Variants in PPP1R13L observed in about 807,000 individuals in gnomAD.
PPP1R13L encodes the protein relA-associated inhibitor.
Under a neutral mutation model 80.9 loss-of-function variants are expected in PPP1R13L, and 50 were observed. That is an observed-to-expected ratio of 0.62 (90% CI 0.49 to 0.78). PPP1R13L has a LOEUF of 0.78. Among genes scored for constraint, PPP1R13L ranks in the 30% least tolerant of loss-of-function variants. The probability of loss-of-function intolerance (pLI) is 0.00; values close to 1 mark genes in which losing one functional copy is unlikely to be tolerated. For synonymous variants in PPP1R13L, 602 were observed against 534.3 expected, an observed-to-expected ratio of 1.13 and a Z score of -1.75; for missense variants, 1,200 against 1,205.9, an observed-to-expected ratio of 1.00 and a Z score of 0.07.
intron 8 of PPP1R13L, among the ~76,000 whole-genome samples, chr19:45,387,136 C>G (rs868483614): frequency 6.6e-6 from 1 of 151,746 alleles, no homozygotes; most frequent in African/African-American, 2.4e-5. Flanking sequence ...GACATGGTGG[C>G]GCACACCCGT....
chr19:45,382,562 C>T lies in PPP1R13L; in HGVS notation c.2413G>A (p.Gly805Ser), dbSNP rs947173328. The part of the protein sequence containing the change: ...ETDWWWAALH[G>S]QEGYVPRNYF... Reference sequence around the variant, plus strand: ...TTCCGCGGCACGTAGCCCTCCTGGCCGTGCAGCGCGGCCCACCACCAGTCG... The same window carrying T: ...TTCCGCGGCACGTAGCCCTCCTGGCTGTGCAGCGCGGCCCACCACCAGTCG... The change falls in exon 12 of 13, where the codon GGC (glycine) becomes AGC (serine). Residue 805 changes from glycine (G) to serine (S), a missense_variant. Gly to Ser is a moderately conservative substitution (Grantham distance 56, BLOSUM62 0). Coordinates refer to ENST00000360957, the MANE Select transcript of PPP1R13L (RefSeq NM_006663.4). 4 of 1,613,182 alleles carry T rather than the reference C, an allele frequency of 2.5e-6. No homozygotes were observed. Among genetic ancestry groups the T allele is most frequent in the African/African-American group, 2.7e-5 (2 of 74,940 alleles).
Position 45,395,849 on chromosome 19 carries a change from T to C in PPP1R13L, c.941A>G (p.Lys314Arg), listed in dbSNP as rs760154639. 2.5e-6 allele frequency: 4 copies of C among 1,597,260 alleles called. No homozygotes were observed. The African/African-American group carries it at 5.4e-5, about 21-fold the overall frequency. ...CCGGTCGCTGGCCAGAGGAGAGACC[T>C]TGTAATTGCGCGGCAGGGTGGCGCT... is the stretch of plus-strand genomic sequence containing the variant. ...LTSATLPRNY[K>R]VSPLASDRRS... The change falls in exon 7 of 13, where the codon AAG becomes AGG. Residue 314 changes from lysine (K) to arginine (R), a missense_variant. Lys to Arg is a conservative substitution (Grantham distance 26). Coordinates refer to ENST00000360957, the MANE Select transcript of PPP1R13L (RefSeq NM_006663.4).
In PPP1R13L at chr19:45,396,309, C is replaced by G; in HGVS notation, c.811+29G>C. On this transcript the variant is annotated intron_variant, in intron 5 of 12. Coordinates refer to ENST00000360957, the MANE Select transcript of PPP1R13L (RefSeq NM_006663.4). The surrounding 1 kb of genome is among the most constrained non-coding windows in gnomAD (Gnocchi z 5.3). ...CTGTGGGGCTGCCTCTCCTCCGGGT[C>G]CTCCATTCCCCGGGCCTCCACCACT... 1.9e-6 allele frequency: 3 copies of G among 1,613,800 alleles called. No homozygotes were observed. The highest frequency in any genetic ancestry group is 2.5e-6 in the Non-Finnish European group (3 of 1,179,888).
In PPP1R13L at chr19:45,395,778, G is replaced by C; in HGVS notation, c.1012C>G (p.Pro338Ala). 1 of 1,563,242 alleles carries C rather than the reference G, an allele frequency of 6.4e-7. No homozygotes were observed. Among genetic ancestry groups the C allele is most frequent in the African/African-American group, 1.3e-5 (1 of 74,332 alleles). Residue 338 changes from proline to alanine, a missense_variant, in exon 7 of 13, where the codon CCG (proline) becomes GCG (alanine). Pro to Ala is a conservative substitution (Grantham distance 27). Coordinates refer to ENST00000360957, the MANE Select transcript of PPP1R13L (RefSeq NM_006663.4). ...CAGCTGCGAGGCAAAGTGCCCGACGGCCCCGCGGAGCCCAGCGAGCGCCGG... is the reference window on the plus strand; with the variant it reads ...CAGCTGCGAGGCAAAGTGCCCGACGCCCCCGCGGAGCCCAGCGAGCGCCGG... Reference protein sequence around the residue: ...SYRRSLGSAGPSGTLPRSWQP... With the variant: ...SYRRSLGSAGASGTLPRSWQP...
chr19:45,405,364 C>G (rs1599783457), upstream of PPP1R13L, among the ~76,000 whole-genome samples: 1 of 152,320 alleles, frequency 6.6e-6, no homozygotes, highest in East Asian at 1.9e-4. Context: ...CCCCTTCAGG[C>G]GCACTATCCC....
At chr19:45,383,293 CTTTTTTTTTTTT>C (rs1164667426) in intron 11 of PPP1R13L, among the ~76,000 whole-genome samples, 17 of 62,828 alleles carry the variant, frequency 2.7e-4, no homozygotes, top group Non-Finnish European at 4.5e-4. Context: ...CGCGCCCGGC[CTTTTTTTTTTTT>C]TTTTTTTTTT....
At chr19:45,405,074 G>C, upstream of PPP1R13L, 1 of 985,678 alleles carries the variant, frequency 1.0e-6, no homozygotes, top group Non-Finnish European at 1.2e-6. Flanking sequence ...AACGGGGCGG[G>C]GCAGGAGCTG....
rs761959495 is a variant in PPP1R13L at position 45,382,375 on chromosome 19, G to T, written c.2448+152C>A. On this transcript the variant is annotated intron_variant, in intron 12 of 12. Transcript: ENST00000360957. ...TACTATTAAATATAACGGACTTTTC[G>T]TCTCCTCCCCATGAGCAATAATGAG... 36 of 877,182 alleles carry T rather than the reference G, an allele frequency of 4.1e-5. 1 individual carries two copies. In the East Asian group the frequency reaches 8.2e-4, roughly 20 times the overall value. 54.3% of individuals were successfully genotyped at this position (877,182 alleles called of 1,614,324 possible).
At chr19:45,399,286 T>G (rs187083323) in intron 1 of PPP1R13L, among the ~76,000 whole-genome samples, 1 of 149,230 alleles carries the variant, frequency 6.7e-6, no homozygotes. Context: ...TGCTGTGTAC[T>G]AGAACCCATG....
intron 7 of PPP1R13L, among the ~76,000 whole-genome samples, chr19:45,393,990 C>G (rs1403981265): frequency 2.6e-5 from 4 of 152,220 alleles, no homozygotes; most frequent in African/African-American, 9.7e-5. Flanking sequence ...TTATTAATCT[C>G]TCTTCACAGA....
At chr19:45,398,423 G>C in intron 1 of PPP1R13L, 84 bp from the exon 2 acceptor site, 1 of 1,339,860 alleles carries the variant, frequency 7.5e-7, no homozygotes, top group Non-Finnish European at 1.0e-6. Context: ...GTCAGGAGCG[G>C]GACAACGCCT....
rs772689030 is a variant in PPP1R13L at position 45,396,642 on chromosome 19, G to A, written c.615C>T (p.Arg205=). ...AFFPERGPSP[R]PPATAYDAPA... The stretch of plus-strand genomic sequence containing the variant: ...GCGCGTCGTAGGCTGTGGCAGGGGG[G>A]CGCGGTGACGGCCCACGCTCGGGGA... The change falls in exon 4 of 13, where the codon CGC becomes CGT. Residue 205 remains arginine (R), a synonymous_variant. Transcript: ENST00000360957. The surrounding 1 kb of genome is among the most constrained non-coding windows in gnomAD (Gnocchi z 5.3). 215 of 1,471,940 alleles carry A rather than the reference G, an allele frequency of 1.5e-4. No homozygotes were observed. Among genetic ancestry groups the A allele is most frequent in the Admixed American group, 4.4e-4 (18 of 41,102 alleles). The allele number at this position is 1,471,940 out of a possible 1,614,324, so 91.2% of individuals were successfully genotyped here. A position where few individuals can be genotyped will look rare whatever the true frequency, so the allele number is the denominator to read the frequency against.
In PPP1R13L at chr19:45,392,250, C is replaced by T. The variant is rs778588774; in HGVS notation, c.1445G>A (p.Gly482Asp). The change falls in exon 8 of 13, where the codon GGC (glycine) becomes GAC (aspartate). Residue 482 changes from glycine to aspartate, a missense_variant. Coordinates refer to ENST00000360957, the MANE Select transcript of PPP1R13L (RefSeq NM_006663.4). Reference sequence around the variant, plus strand: ...GGGGCTGAGAGGCCTTGCTACAGGGCCTTCATCCACATCGCCAGCCTCCAG... The same window carrying T: ...GGGGCTGAGAGGCCTTGCTACAGGGTCTTCATCCACATCGCCAGCCTCCAG... ...PVLEAGDVDEGPVARPLSPTR... is the reference protein window; with the variant it reads ...PVLEAGDVDEDPVARPLSPTR... 8 of 1,613,232 alleles carry T rather than the reference C, an allele frequency of 5.0e-6. No individual in the cohort carries two copies. The highest frequency in any genetic ancestry group is 6.8e-6 in the Non-Finnish European group (8 of 1,179,900).
In PPP1R13L at chr19:45,395,785, G is replaced by C. The variant is rs1171011337; in HGVS notation, c.1005C>G (p.Ser335=). 1 of 1,570,776 alleles carries C rather than the reference G, an allele frequency of 6.4e-7. No homozygotes were observed. Among genetic ancestry groups the C allele is most frequent in the East Asian group, 2.3e-5 (1 of 43,486 alleles). The change falls in exon 7 of 13, where the codon TCC becomes TCG. Residue 335 remains serine (S), a synonymous_variant. Coordinates refer to ENST00000360957, the MANE Select transcript of PPP1R13L (RefSeq NM_006663.4). ...DAGSYRRSLG[S]AGPSGTLPRS... Reference sequence around the variant, plus strand: ...GAGGCAAAGTGCCCGACGGCCCCGCGGAGCCCAGCGAGCGCCGGTAGCTGC... The same window carrying C: ...GAGGCAAAGTGCCCGACGGCCCCGCCGAGCCCAGCGAGCGCCGGTAGCTGC...
In PPP1R13L at chr19:45,386,132, G is replaced by C. The variant is rs1163107289; in HGVS notation, c.1864C>G (p.Arg622Gly). 1 of 1,544,908 alleles carries C rather than the reference G, an allele frequency of 6.5e-7. No homozygotes were observed. The highest frequency in any genetic ancestry group is 1.2e-5 in the South Asian group (1 of 82,308). ...RKAGSPRKAR[R>G]ARLNPLVLLL... ...AGCACCAGAGGGTTGAGGCGCGCGC[G>C]GCGGGCCTTGCGCGGGGAGCCCGCC... The change falls in exon 9 of 13, where the codon CGC (arginine) becomes GGC (glycine). Residue 622 changes from arginine to glycine, a missense_variant. By Grantham distance (125) the Arg-to-Gly change is moderately radical (BLOSUM62 -2). This residue lies in a region of PPP1R13L where 214 missense variants were observed against 199.6 expected (regional missense o/e 1.07). Coordinates refer to ENST00000360957, the MANE Select transcript of PPP1R13L (RefSeq NM_006663.4).
rs1228555690 is a variant in PPP1R13L, at chr19:45,397,916, T to C, written c.198+89A>G. 3.3e-6 allele frequency: 5 copies of C among 1,496,608 alleles called. No homozygotes were observed. The South Asian group carries it at 5.2e-5, about 16-fold the overall frequency. 92.7% of individuals were successfully genotyped at this position (1,496,608 alleles called of 1,614,324 possible). A position where few individuals can be genotyped will look rare whatever the true frequency, so the allele number is the denominator to read the frequency against. On this transcript the variant is annotated intron_variant, in intron 3 of 12. Transcript: ENST00000360957. ...GAAGAGCCCACAACCTGCATAACTA[T>C]ATGGGGCAATTTTGCCTGAAATCCA...
At chr19:45,385,531 G>C in intron 11 of PPP1R13L, 31 bp downstream of exon 11, 1 of 1,588,150 alleles carries the variant, frequency 6.3e-7, no homozygotes, top group Non-Finnish European at 8.6e-7. Flanking sequence ...CACCCGCCAG[G>C]TACCCAGGCG....
chr19:45,404,554 C>T (rs1973292285), intron 1 of PPP1R13L, among the ~76,000 whole-genome samples: 2 of 152,190 alleles, frequency 1.3e-5, no homozygotes, highest in Non-Finnish European at 2.9e-5. Context: ...CTCCACTATC[C>T]CTGCCCCACC....
At chr19:45,390,026 C>T (rs1472146741) in intron 8 of PPP1R13L, among the ~76,000 whole-genome samples, 8 of 151,924 alleles carry the variant, frequency 5.3e-5, no homozygotes, top group Admixed American at 2.0e-4. Flanking sequence ...CTCCTGACTT[C>T]GTGATCCGCC....
Sources: gnomAD v4.1 joint callset for allele counts (sites outside exome capture counted in the v4.1 genomes callset) on GRCh38, gnomAD v4.1.1 for gene constraint, gnomAD v4.1.1 regional missense constraint, Gnocchi (gnomAD v3.1) non-coding constraint, MANE v1.5 for transcripts, NCBI Gene and HGNC (gene_info 2026-07-23, HGNC 2026-07-21) for gene names.